KIAA1328: variants seen among roughly 807,000 people sequenced by gnomAD.
KIAA1328 encodes protein hinderin.
KIAA1328 carries 52 observed loss-of-function variants against 68.1 expected under a neutral mutation model. That is an observed-to-expected ratio of 0.76 (90% CI 0.61 to 0.96). The LOEUF (loss-of-function observed/expected upper bound fraction) is 0.96, where lower values mean the gene tolerates loss of function less well. Among genes scored for constraint, KIAA1328 ranks in the 40% least tolerant of loss-of-function variants. The probability of loss-of-function intolerance (pLI) is 0.00; values close to 1 mark genes in which losing one functional copy is unlikely to be tolerated. For synonymous variants in KIAA1328, 232 were observed against 239.4 expected (o/e 0.97, Z 0.28); for missense variants, 641 against 677.6 (o/e 0.95, Z 0.60).
chr18:37,198,615 A>G (rs955351400), intron 9 of KIAA1328, among the ~76,000 whole-genome samples: 6 of 152,204 alleles, frequency 3.9e-5, no homozygotes, highest in Non-Finnish European at 5.9e-5. Context: ...GTTCTAGAGC[A>G]GATATGCATT....
At chr18:36,953,285 T>C (rs1243191918) in intron 5 of KIAA1328, among the ~76,000 whole-genome samples, 1 of 147,200 alleles carries the variant, frequency 6.8e-6, no homozygotes, top group Non-Finnish European at 1.5e-5. Flanking sequence ...TATAAATAAA[T>C]ATATTTATAT....
intron 6 of KIAA1328, among the ~76,000 whole-genome samples, chr18:37,018,456 A>C (rs1385142339): frequency 2.6e-5 from 4 of 152,042 alleles, no homozygotes; most frequent in Non-Finnish European, 1.5e-5. Context: ...GTGATTATTT[A>C]GTATAGTATC....
intron 9 of KIAA1328, among the ~76,000 whole-genome samples, chr18:37,180,058 CCACACACACACACACACACACA>C (rs139301794): frequency 6.0e-5 from 8 of 134,062 alleles, no homozygotes; most frequent in African/African-American, 1.1e-4. Flanking sequence ...GATTCAAAAG[CCACACACACACACACACACACA>C]CACACACACA....
intron 5 of KIAA1328, among the ~76,000 whole-genome samples, chr18:36,896,472 G>A (rs2048869765): frequency 6.6e-6 from 1 of 152,160 alleles, no homozygotes; most frequent in African/African-American, 2.4e-5. Context: ...TTTATAGTGA[G>A]TGACACTGCA....
chr18:37,120,645 GA>G (rs2058246724), intron 7 of KIAA1328, among the ~76,000 whole-genome samples: 1 of 152,172 alleles, frequency 6.6e-6, no homozygotes, highest in African/African-American at 2.4e-5. Context: ...AACTCTCAAG[GA>G]GAGCCAGAGA....
chr18:36,888,623 A>G (rs1015183706), intron 5 of KIAA1328, among the ~76,000 whole-genome samples: 2 of 152,060 alleles, frequency 1.3e-5, no homozygotes, highest in African/African-American at 4.8e-5. Context: ...ATTATCATGG[A>G]AGAAAGGACA....
chr18:36,893,569 G>A (rs966844240), intron 5 of KIAA1328, among the ~76,000 whole-genome samples: 6 of 151,152 alleles, frequency 4.0e-5, no homozygotes, highest in East Asian at 1.9e-4. Flanking sequence ...TGATCCTCCC[G>A]TCTTGGCCTC....
Position 36,844,205 on chromosome 18 carries a change from A to C in KIAA1328, c.238-3A>C. On this transcript the variant is annotated splice_region_variant and splice_polypyrimidine_tract_variant and intron_variant, in intron 3 of 9. Transcript: ENST00000280020. ...AAGTGTAACTAAATTTTTTTTTTTTAAGAATTCCTGCAGGGGAGAAATAAA... is the reference window on the plus strand; with the variant it reads ...AAGTGTAACTAAATTTTTTTTTTTTCAGAATTCCTGCAGGGGAGAAATAAA... The C allele has an allele frequency of 6.4e-7, 1 of 1,557,360 alleles. No individual in the cohort carries two copies. The highest frequency in any genetic ancestry group is 8.7e-7 in the Non-Finnish European group (1 of 1,153,774).
chr18:36,989,793 CATG>C (rs2053098707), intron 6 of KIAA1328, among the ~76,000 whole-genome samples: 1 of 152,110 alleles, frequency 6.6e-6, no homozygotes, highest in Non-Finnish European at 1.5e-5. Flanking sequence ...CCCCCGGGTT[CATG>C]CCGTTCTCCT....
At chr18:37,124,167 A>G (rs1332455894) in intron 7 of KIAA1328, among the ~76,000 whole-genome samples, 2 of 152,234 alleles carry the variant, frequency 1.3e-5, no homozygotes, top group Non-Finnish European at 2.9e-5. Flanking sequence ...ATGCTAAGCT[A>G]AGACAAAATG....
intron 8 of KIAA1328, among the ~76,000 whole-genome samples, chr18:37,169,116 T>C (rs2059446045): frequency 6.6e-6 from 1 of 151,768 alleles, no homozygotes. Context: ...TCAATTAGCC[T>C]AGTAATATTC....
chr18:37,123,826 A>G (rs2058329286), intron 7 of KIAA1328, among the ~76,000 whole-genome samples: 1 of 152,206 alleles, frequency 6.6e-6, no homozygotes, highest in South Asian at 2.1e-4. Context: ...TTTAAAATAC[A>G]CACACACATA....
At position 37,112,739 on chromosome 18, in the gene KIAA1328, G is replaced by A. The variant is rs115969011; in HGVS notation, c.1232+45194G>A. ...TGAAAGGAGGATTTTCGAACCAATC[G>A]CAAAGAAGCTGAATACCTTGAAAAA... On this transcript the variant is annotated intron_variant, in intron 7 of 9. Coordinates refer to ENST00000280020, the MANE Select transcript of KIAA1328 (RefSeq NM_020776.3). Among the ~76,000 whole-genome samples the A allele has an allele frequency of 8.3e-3, 1,268 of 152,182 alleles. 20 individuals carry two copies. The highest frequency in any genetic ancestry group is 0.029 in the African/African-American group (1,190 of 41,528).
chr18:36,983,337 A>G (rs1310956682), intron 6 of KIAA1328, among the ~76,000 whole-genome samples: 1 of 152,084 alleles, frequency 6.6e-6, no homozygotes, highest in African/African-American at 2.4e-5. Context: ...AGATTGTGGA[A>G]CACGGAGTAT....
chr18:37,101,757 C>A (rs564006254), intron 7 of KIAA1328, among the ~76,000 whole-genome samples: 8 of 152,256 alleles, frequency 5.3e-5, no homozygotes, highest in African/African-American at 1.7e-4. Flanking sequence ...ATGTTAAGGG[C>A]AGCCAGAGAG....
At chr18:36,999,265 C>T (rs542201306) in intron 6 of KIAA1328, among the ~76,000 whole-genome samples, 2 of 152,166 alleles carry the variant, frequency 1.3e-5, no homozygotes, top group East Asian at 3.9e-4. Flanking sequence ...ACAAAGCCTT[C>T]AGGATATTTG....
chr18:36,984,424 CATCAGTGTATTAAA>C (rs372485495), intron 6 of KIAA1328, among the ~76,000 whole-genome samples: 63 of 152,196 alleles, frequency 4.1e-4, no homozygotes, highest in African/African-American at 1.4e-3. Flanking sequence ...TAGGATACAA[CATCAGTGTATTAAA>C]ATCAGTAGTA....
intron 6 of KIAA1328, among the ~76,000 whole-genome samples, chr18:37,020,195 C>T (rs1049730929): frequency 3.3e-5 from 5 of 152,142 alleles, no homozygotes; most frequent in African/African-American, 1.2e-4. Context: ...GCTATCTCGA[C>T]TCACTGCAAT....
intron 6 of KIAA1328, among the ~76,000 whole-genome samples, chr18:36,970,142 G>T (rs932418765): frequency 6.6e-6 from 1 of 152,174 alleles, no homozygotes; most frequent in Non-Finnish European, 1.5e-5. Flanking sequence ...GGGATGCAAG[G>T]CTGGTTCAAC....
Sources: gnomAD v4.1 joint callset for allele counts (sites outside exome capture counted in the v4.1 genomes callset) on GRCh38, gnomAD v4.1.1 for gene constraint, MANE v1.5 for transcripts, NCBI Gene and HGNC (gene_info 2026-07-23, HGNC 2026-07-21) for gene names.